Variants in GHR observed in about 807,000 individuals in gnomAD.
The protein encoded by GHR is growth hormone receptor, also known as GH receptor.
Under a neutral mutation model 67.1 loss-of-function variants are expected in GHR, and 35 were observed. The observed-to-expected ratio is 0.52, with a 90% CI of 0.40 to 0.69. GHR has a LOEUF of 0.69. Ranked by LOEUF, GHR falls within the 30% of genes least tolerant of loss-of-function variation. The pLI, the probability that GHR is intolerant of heterozygous loss-of-function variation, is 0.00. For synonymous variants in GHR, 272 were observed against 269.1 expected (o/e 1.01, Z -0.10); for missense variants, 792 against 764.6 (o/e 1.04, Z -0.42).
At chr5:42,521,204 A>G (rs1412990803) in intron 1 of GHR, among the ~76,000 whole-genome samples, 2 of 152,208 alleles carry the variant, frequency 1.3e-5, no homozygotes, top group Non-Finnish European at 2.9e-5. Flanking sequence ...TTGCCTGAAG[A>G]AAACCTCTTG....
chr5:42,512,606 A>G (rs1294420988), intron 1 of GHR, among the ~76,000 whole-genome samples: 1 of 152,150 alleles, frequency 6.6e-6, no homozygotes, highest in Non-Finnish European at 1.5e-5. Context: ...ATATATATAT[A>G]TACATAGACA....
At chr5:42,576,550 C>T (rs1421321104) in intron 2 of GHR, among the ~76,000 whole-genome samples, 2 of 152,118 alleles carry the variant, frequency 1.3e-5, no homozygotes, top group African/African-American at 4.8e-5. Flanking sequence ...AACATGCAAA[C>T]TAAACTGACA....
chr5:42,719,610 G>C lies in GHR; in HGVS notation c.*186G>C. On this transcript the variant is annotated 3_prime_UTR_variant, in exon 10 of 10. Coordinates refer to ENST00000230882, the MANE Select transcript of GHR (RefSeq NM_000163.5). ...AAAAAATAAGAAGAATGCTTAATCAGATAGATATTCCTATTGTGCAATGTA... is the reference window on the plus strand; with the variant it reads ...AAAAAATAAGAAGAATGCTTAATCACATAGATATTCCTATTGTGCAATGTA... 1.6e-6 allele frequency: 1 copy of C among 642,674 alleles called. No homozygotes were observed. Among genetic ancestry groups the C allele is most frequent in the East Asian group, 2.8e-5 (1 of 35,616 alleles). The allele number at this position is 642,674 out of a possible 1,614,324, so 39.8% of individuals were successfully genotyped here. A position where few individuals can be genotyped will look rare whatever the true frequency, so the allele number is the denominator to read the frequency against.
At chr5:42,583,856 G>GATAT (rs1365667998) in intron 2 of GHR, among the ~76,000 whole-genome samples, 1 of 146,972 alleles carries the variant, frequency 6.8e-6, no homozygotes, top group Non-Finnish European at 1.5e-5. Context: ...AAAAAATAAA[G>GATAT]ATATATATAT....
At chr5:42,455,519 T>G (rs914383742) in intron 1 of GHR, among the ~76,000 whole-genome samples, 2 of 152,234 alleles carry the variant, frequency 1.3e-5, no homozygotes, top group Non-Finnish European at 2.9e-5. Flanking sequence ...TCAAGTAGAT[T>G]TTTGAACTTT....
chr5:42,715,678 GTTATT>G (rs1758687073), intron 8 of GHR, among the ~76,000 whole-genome samples: 1 of 152,088 alleles, frequency 6.6e-6, no homozygotes, highest in African/African-American at 2.4e-5. Flanking sequence ...TTCATATTTT[GTTATT>G]TTATTTTAAT....
intron 2 of GHR, among the ~76,000 whole-genome samples, chr5:42,592,894 C>T (rs1046071369): frequency 1.3e-5 from 2 of 152,160 alleles, no homozygotes; most frequent in African/African-American, 4.8e-5. Flanking sequence ...TGCAACCTTG[C>T]CAGCATCTGT....
intron 2 of GHR, among the ~76,000 whole-genome samples, chr5:42,623,377 C>A (rs1482106478): frequency 1.3e-5 from 2 of 152,116 alleles, no homozygotes; most frequent in African/African-American, 4.8e-5. Context: ...CCAGTGTTTG[C>A]AGAATCAAAA....
intron 6 of GHR, 78 bp downstream of exon 6, chr5:42,700,080 C>T: frequency 1.2e-6 from 1 of 857,408 alleles, no homozygotes; most frequent in Non-Finnish European, 2.0e-6. Context: ...ATTAGACTTT[C>T]CTTTGACCTA....
At chr5:42,654,726 C>T (rs2112836848) in intron 3 of GHR, among the ~76,000 whole-genome samples, 1 of 152,218 alleles carries the variant, frequency 6.6e-6, no homozygotes, top group South Asian at 2.1e-4. Flanking sequence ...AGTTCAGGGG[C>T]TTGATGTTAA....
Position 42,423,906 on chromosome 5 carries a change from C to A in GHR, c.-61C>A, listed in dbSNP as rs1742724123. The A allele has an allele frequency of 6.5e-6, 1 of 154,394 alleles. No homozygotes were observed. Among genetic ancestry groups the A allele is most frequent in the Non-Finnish European group, 1.5e-5 (1 of 68,938 alleles). The allele number at this position is 154,394 out of a possible 1,614,324, so 9.6% of individuals were successfully genotyped here. A position where few individuals can be genotyped will look rare whatever the true frequency, so the allele number is the denominator to read the frequency against. On this transcript the variant is annotated 5_prime_UTR_variant, in exon 1 of 10. Coordinates refer to ENST00000230882, the MANE Select transcript of GHR (RefSeq NM_000163.5). ...GGCCGGAGGCCCCGGCACCATTGGCCCCAGCGCAGACGCGAACCCGCGCTC... is the reference window on the plus strand; with the variant it reads ...GGCCGGAGGCCCCGGCACCATTGGCACCAGCGCAGACGCGAACCCGCGCTC...
chr5:42,576,116 AATAAAATAAAATAAAATAAAATAAAAT>A (rs1750704729), intron 2 of GHR, among the ~76,000 whole-genome samples: 1 of 102,172 alleles, frequency 9.8e-6, no homozygotes, highest in African/African-American at 4.7e-5. Context: ...AATAAAATAA[AATAAAATAAAATAAAATAAAATAAAAT>A]AGTAAAGTAA....
chr5:42,457,039 G>A (rs1388187053), intron 1 of GHR, among the ~76,000 whole-genome samples: 1 of 152,012 alleles, frequency 6.6e-6, no homozygotes, highest in Non-Finnish European at 1.5e-5. Flanking sequence ...GCTTTCCCTG[G>A]GGAGCAAAAA....
At chr5:42,565,799 A>C (rs1047319513) in intron 1 of GHR, 65 bp from the exon 2 acceptor site, 97 of 1,613,094 alleles carry the variant, frequency 6.0e-5, no homozygotes, top group Non-Finnish European at 8.1e-5. Context: ...GTCTTTAAAC[A>C]GTATTTCATG....
Position 42,465,297 on chromosome 5 carries a change from A to T in GHR, c.-12+41342A>T. On this transcript the variant is annotated intron_variant, in intron 1 of 9. Transcript: ENST00000230882. ...CTTATACTGAATGTGATGATCTTGA[A>T]GAACAGATTTTTTTTTTGCATGAAA... is the stretch of plus-strand genomic sequence containing the variant. 1.1e-5 allele frequency: 7 copies of T among 664,174 alleles called. 1 individual carries two copies. In the South Asian group the frequency reaches 1.3e-4, roughly 12 times the overall value. 41.1% of individuals were successfully genotyped at this position (664,174 alleles called of 1,614,324 possible).
chr5:42,606,440 A>G (rs1459952585), intron 2 of GHR, among the ~76,000 whole-genome samples: 1 of 152,066 alleles, frequency 6.6e-6, no homozygotes, highest in African/African-American at 2.4e-5. Context: ...GGCTGTTTCC[A>G]CTCATGGTAG....
chr5:42,457,928 G>T (rs1487405251), intron 1 of GHR, among the ~76,000 whole-genome samples: 1 of 152,046 alleles, frequency 6.6e-6, no homozygotes, highest in Non-Finnish European at 1.5e-5. Flanking sequence ...TTCTTTGTTG[G>T]GAAAATGGAC....
chr5:42,626,112 T>G (rs1429718746), intron 2 of GHR, among the ~76,000 whole-genome samples: 1 of 152,114 alleles, frequency 6.6e-6, no homozygotes, highest in South Asian at 2.1e-4. Flanking sequence ...GGTGGGAATC[T>G]CTCCCCACAC....
chr5:42,475,802 T>TG (rs749093601), intron 1 of GHR, among the ~76,000 whole-genome samples: 4 of 152,168 alleles, frequency 2.6e-5, no homozygotes, highest in Non-Finnish European at 5.9e-5. Flanking sequence ...CATTTGACAG[T>TG]GGGAAAATGG....
Sources: gnomAD v4.1 joint callset for allele counts (sites outside exome capture counted in the v4.1 genomes callset) on GRCh38, gnomAD v4.1.1 for gene constraint, MANE v1.5 for transcripts, NCBI Gene and HGNC (gene_info 2026-07-23, HGNC 2026-07-21) for gene names.